GCDH: variants seen among roughly 807,000 people sequenced by gnomAD.
The protein encoded by GCDH is glutaryl-CoA dehydrogenase.
GCDH carries 31 observed loss-of-function variants against 52.8 expected under a neutral mutation model. That is an observed-to-expected ratio of 0.59 (90% CI 0.44 to 0.79). The LOEUF (loss-of-function observed/expected upper bound fraction) is 0.79, where lower values mean the gene tolerates loss of function less well. Ranked by LOEUF, GCDH falls within the 30% of genes least tolerant of loss-of-function variation. The pLI, the probability that GCDH is intolerant of heterozygous loss-of-function variation, is 0.00. For missense variants in GCDH, 509 were observed against 595.0 expected (o/e 0.86, Z 1.50); for synonymous variants, 242 against 250.0 (o/e 0.97, Z 0.30).
rs376487828 is a variant in GCDH at position 12,899,637 on chromosome 19, G to T, written c.*96G>T. 12 of 1,612,568 alleles carry T rather than the reference G, an allele frequency of 7.4e-6. No individual in the cohort carries two copies. The highest frequency in any genetic ancestry group is 1.3e-5 in the African/African-American group (1 of 74,896). ...CTGTGCTCTGAGCTTAGAAAGGGAG[G>T]TGGCGGATGGAGTGGGAAGTGAGAG... On this transcript the variant is annotated 3_prime_UTR_variant, in exon 12 of 12. Coordinates refer to ENST00000222214, the MANE Select transcript of GCDH (RefSeq NM_000159.4).
chr19:12,899,405 G>A, intron 11 of GCDH, 63 bp from the exon 12 acceptor site: 2 of 1,614,044 alleles, frequency 1.2e-6, no homozygotes, highest in Non-Finnish European at 1.7e-6. Context: ...CATGAAAATT[G>A]ATTTTAAAGG....
chr19:12,891,596 C>T, intron 3 of GCDH, 74 bp downstream of exon 3: 1 of 1,613,248 alleles, frequency 6.2e-7, no homozygotes, highest in Non-Finnish European at 8.5e-7. Context: ...GGACTCTGTC[C>T]CAGAATCCGA....
In GCDH at chr19:12,891,861, C is replaced by G; in HGVS notation, c.158C>G (p.Pro53Arg). The change falls in exon 4 of 12, where the codon CCG becomes CGG. Residue 53 changes from proline to arginine, a missense_variant. Transcript: ENST00000222214. ...CGTCCCGAGTTTGACTGGCAGGACCCGCTGGTGCTGGAGGAGCAGCTGACC... is the reference window on the plus strand; with the variant it reads ...CGTCCCGAGTTTGACTGGCAGGACCGGCTGGTGCTGGAGGAGCAGCTGACC... Reference protein sequence around the residue: ...SSRPEFDWQDPLVLEEQLTTD... With the variant: ...SSRPEFDWQDRLVLEEQLTTD... 1 of 1,614,044 alleles carries G rather than the reference C, an allele frequency of 6.2e-7. No homozygotes were observed. The highest frequency in any genetic ancestry group is 8.5e-7 in the Non-Finnish European group (1 of 1,179,988).
chr19:12,894,178 A>G, intron 6 of GCDH: 2 of 1,575,560 alleles, frequency 1.3e-6, no homozygotes, highest in Non-Finnish European at 1.7e-6. Flanking sequence ...CCAGAAACTC[A>G]TTGAAGTGGA....
chr19:12,893,232 G>C (rs530380303), intron 5 of GCDH, among the ~76,000 whole-genome samples: 1 of 152,198 alleles, frequency 6.6e-6, no homozygotes, highest in East Asian at 1.9e-4. Context: ...TGTTGCCCAG[G>C]CTGTTCTCAA....
At chr19:12,891,441 G>A (rs564016367) in intron 2 of GCDH, 46 bp downstream of exon 2, 2 of 1,614,110 alleles carry the variant, frequency 1.2e-6, no homozygotes, top group African/African-American at 2.7e-5. Flanking sequence ...GAGGAACTGG[G>A]GGTTTAGGGA....
intron 5 of GCDH, chr19:12,892,431 A>T: frequency 1.7e-6 from 1 of 575,250 alleles, no homozygotes; most frequent in Middle Eastern, 4.7e-4. Flanking sequence ...AGCTGGGATT[A>T]CAGGTATGTG....
intron 6 of GCDH, chr19:12,893,920 G>T (rs531128992): frequency 3.4e-6 from 2 of 593,444 alleles, no homozygotes; most frequent in African/African-American, 3.7e-5. Context: ...GTTCCTGCTG[G>T]CCATTTGCAG....
In GCDH at chr19:12,891,295, C is replaced by T; in HGVS notation, c.-10C>T. The T allele has an allele frequency of 6.2e-7, 1 of 1,603,050 alleles. No individual in the cohort carries two copies. Among genetic ancestry groups the T allele is most frequent in the Non-Finnish European group, 8.5e-7 (1 of 1,179,068 alleles). On this transcript the variant is annotated 5_prime_UTR_variant, in exon 2 of 12. Transcript: ENST00000222214. ...GGTCGCCGTCGTTGCTCCGCTCGCT[C>T]TGAGAGAGCATGGCCCTGAGAGGCG...
In GCDH at chr19:12,899,706, A is replaced by G. The variant is rs8012; in HGVS notation, c.*165A>G. The G allele has an allele frequency of 0.58, 937,823 of 1,611,108 alleles. 279,524 individuals are homozygous for G. The highest frequency in any genetic ancestry group is 0.82 in the East Asian group (36,886 of 44,848). On this transcript the variant is annotated 3_prime_UTR_variant, in exon 12 of 12. Transcript: ENST00000222214. ...CAAAATTTCCCTTCTGAAGTCGTTC[A>G]GATGTGTTCCTTAAAAAGAAGATGG...
At position 12,899,840 on chromosome 19, in the gene GCDH, C is replaced by G. The variant is rs955111074; in HGVS notation, c.*299C>G. On this transcript the variant is annotated 3_prime_UTR_variant, in exon 12 of 12. Transcript: ENST00000222214. ...GAGGAGAGTGACATGGAAGCAACTC[C>G]GTCTGCTGCAGCTGACCCCCTCACA... The G allele has an allele frequency of 5.1e-6, 8 of 1,567,568 alleles. No individual in the cohort carries two copies. In the African/African-American group the frequency reaches 1.1e-4, roughly 21 times the overall value.
intron 9 of GCDH, 113 bp from the exon 10 acceptor site, chr19:12,897,190 C>A: frequency 1.4e-6 from 2 of 1,407,786 alleles, no homozygotes; most frequent in Non-Finnish European, 2.0e-6. Flanking sequence ...CCAGGGCAAG[C>A]TTGGGGGCAC....
chr19:12,899,365 C>T, intron 11 of GCDH, 103 bp from the exon 12 acceptor site: 1 of 1,614,092 alleles, frequency 6.2e-7, no homozygotes. Flanking sequence ...CTCTGTTGGT[C>T]TGTACTTCTG....
At chr19:12,893,754 A>C in intron 6 of GCDH, 101 bp downstream of exon 6, 1 of 1,123,670 alleles carries the variant, frequency 8.9e-7, no homozygotes, top group Non-Finnish European at 1.3e-6. Context: ...CCCTATCTCA[A>C]AGATAGCATA....
In GCDH at chr19:12,899,626, T is replaced by C; in HGVS notation, c.*85T>C. ...CCGTAGGAGCGCTGTGCTCTGAGCT[T>C]AGAAAGGGAGGTGGCGGATGGAGTG... On this transcript the variant is annotated 3_prime_UTR_variant, in exon 12 of 12. Transcript: ENST00000222214. 2 of 1,612,884 alleles carry C rather than the reference T, an allele frequency of 1.2e-6. No homozygotes were observed. The highest frequency in any genetic ancestry group is 1.7e-6 in the Non-Finnish European group (2 of 1,179,272).
At chr19:12,891,721 C>G (rs1970560785) in intron 3 of GCDH, 110 bp from the exon 4 acceptor site, 1 of 1,605,712 alleles carries the variant, frequency 6.2e-7, no homozygotes, top group South Asian at 1.1e-5. Context: ...GCTTGCAGCT[C>G]GCACTAGCCG....
At chr19:12,899,294 G>A (rs1282090268) in intron 11 of GCDH, 174 bp from the exon 12 acceptor site, 7 of 1,536,146 alleles carry the variant, frequency 4.6e-6, no homozygotes, top group Non-Finnish European at 6.3e-6. Context: ...TGGCCTCACA[G>A]TCTTCTCCTG....
intron 6 of GCDH, chr19:12,894,288 CAGT>C (rs772000089): frequency 1.8e-5 from 15 of 849,186 alleles, no homozygotes; most frequent in Non-Finnish European, 2.7e-5. Flanking sequence ...TGGTCGGAAT[CAGT>C]GGTGGGAACA....
chr19:12,895,926 A>G, intron 6 of GCDH, 66 bp from the exon 7 acceptor site: 1 of 1,602,898 alleles, frequency 6.2e-7, no homozygotes, highest in Non-Finnish European at 8.5e-7. Flanking sequence ...CGCCACGAGG[A>G]TAATTTTTGA....
Sources: allele counts gnomAD v4.1 joint callset (sites outside exome capture counted in the v4.1 genomes callset), GRCh38; gene constraint gnomAD v4.1.1; transcripts MANE v1.5; gene names NCBI Gene and HGNC (gene_info 2026-07-23, HGNC 2026-07-21).